CEP120: variants seen among roughly 807,000 people sequenced by gnomAD.
CEP120 encodes the protein centrosomal protein of 120 kDa.
In CEP120, 113 loss-of-function variants were observed where a neutral mutation model predicts 126.5. The ratio of observed to expected loss-of-function variants is 0.89; its 90% CI spans 0.77 to 1.04. The LOEUF (loss-of-function observed/expected upper bound fraction) is 1.04, where lower values mean the gene tolerates loss of function less well. Among genes scored for constraint, CEP120 ranks in the 50% least tolerant of loss-of-function variants. The pLI, the probability that CEP120 is intolerant of heterozygous loss-of-function variation, is 0.00. For missense variants in CEP120, 1,230 were observed against 1,155.7 expected (o/e 1.06, Z -0.93); for synonymous variants, 400 against 394.3 (o/e 1.01, Z -0.17).
At chr5:123,392,282 C>A (rs1039414140) in intron 6 of CEP120, among the ~76,000 whole-genome samples, 1 of 152,106 alleles carries the variant, frequency 6.6e-6, no homozygotes, top group Admixed American at 6.5e-5. Context: ...ACTGCTTTTC[C>A]CTGCATGTCA....
rs766586380 is a variant in CEP120, at chr5:123,391,315, T to A, written c.833A>T (p.Gln278Leu). 3.7e-6 allele frequency: 6 copies of A among 1,613,880 alleles called. No individual in the cohort carries two copies. Among genetic ancestry groups the A allele is most frequent in the Non-Finnish European group, 4.2e-6 (5 of 1,179,728 alleles). The change falls in exon 7 of 20, where the codon CAG becomes CTG. Residue 278 changes from glutamine to leucine, a missense_variant. Physicochemically the swap from Gln to Leu is moderately radical, Grantham distance 113. Transcript: ENST00000306467. ...AGGTATTTCTGTACTTCCAAGTGAC[T>A]GGTCTCCACAGCAGAGGTGAATCTA... The part of the protein sequence containing the change: ...KLQIHLCCGD[Q>L]SLGSTEIPLT...
At chr5:123,386,701 C>T in intron 9 of CEP120, 34 bp from the exon 10 acceptor site, 1 of 1,057,382 alleles carries the variant, frequency 9.5e-7, no homozygotes, top group Non-Finnish European at 1.3e-6. Flanking sequence ...AAAAAAAAGC[C>T]TTAATGATAT....
At chr5:123,366,687 G>A (rs1319783647) in intron 17 of CEP120, among the ~76,000 whole-genome samples, 1 of 151,820 alleles carries the variant, frequency 6.6e-6, no homozygotes, top group Non-Finnish European at 1.5e-5. Context: ...TCTTGACTAT[G>A]AGGTTCTTTT....
At chr5:123,408,451 T>C (rs1773840263) in intron 4 of CEP120, among the ~76,000 whole-genome samples, 1 of 150,650 alleles carries the variant, frequency 6.6e-6, no homozygotes, top group African/African-American at 2.4e-5. Flanking sequence ...CTACAGAGCC[T>C]ACCGGTATTA....
chr5:123,389,186 T>G (rs963401515), intron 8 of CEP120, among the ~76,000 whole-genome samples: 1 of 152,174 alleles, frequency 6.6e-6, no homozygotes, highest in Non-Finnish European at 1.5e-5. Context: ...ATAACTGCAA[T>G]GGATGGAAAA....
chr5:123,412,076 TAATA>T (rs1187430959), intron 4 of CEP120, among the ~76,000 whole-genome samples: 4 of 152,326 alleles, frequency 2.6e-5, no homozygotes, highest in African/African-American at 7.2e-5. Context: ...ACAGTTGAGT[TAATA>T]AATAGAGAAC....
At position 123,365,598 on chromosome 5, in the gene CEP120, G is replaced by C. The variant is rs1028868926; in HGVS notation, c.2482-1004C>G. Among the ~76,000 whole-genome samples, 3 of 151,580 alleles carry C rather than the reference G, an allele frequency of 2.0e-5. No homozygotes were observed. In the Admixed American group the frequency reaches 2.0e-4, roughly 10 times the overall value. The stretch of plus-strand genomic sequence containing the variant: ...ACTACATGGAGTCAAGGTCTTTTCT[G>C]CTTTACAAATCCCTAGTGCTTGGAT... On this transcript the variant is annotated intron_variant, in intron 17 of 19. Coordinates refer to ENST00000306467, the MANE Select transcript of CEP120 (RefSeq NM_001375405.1).
intron 19 of CEP120, among the ~76,000 whole-genome samples, chr5:123,349,434 A>G (rs2115172): frequency 0.41 from 62,201 of 151,952 alleles, 12,779 homozygotes; most frequent in East Asian, 0.48. Context: ...TGTTACAGAT[A>G]TTAATAATAT....
chr5:123,357,469 A>ATGGT (rs903556506), intron 18 of CEP120, among the ~76,000 whole-genome samples: 3 of 152,130 alleles, frequency 2.0e-5, no homozygotes, highest in Non-Finnish European at 2.9e-5. Flanking sequence ...GAGTATAATA[A>ATGGT]TGGTAGTATT....
chr5:123,401,829 A>G (rs1043722102), intron 4 of CEP120: 19 of 1,451,684 alleles, frequency 1.3e-5, no homozygotes, highest in Middle Eastern at 2.3e-4. Flanking sequence ...GAAGTCCTCC[A>G]CCAGCCCCTA....
At chr5:123,389,633 T>C (rs575694190) in intron 8 of CEP120, among the ~76,000 whole-genome samples, 30 of 152,260 alleles carry the variant, frequency 2.0e-4, no homozygotes, top group African/African-American at 7.0e-4. Context: ...CCCGAGTAGC[T>C]GGGATTACAG....
At chr5:123,365,822 T>C (rs150101718) in intron 17 of CEP120, among the ~76,000 whole-genome samples, 28 of 151,432 alleles carry the variant, frequency 1.8e-4, no homozygotes, top group Non-Finnish European at 3.8e-4. Context: ...TATTCAATTA[T>C]ACAAGCAATC....
At chr5:123,415,504 G>A (rs1774328179) in intron 3 of CEP120, among the ~76,000 whole-genome samples, 1 of 152,182 alleles carries the variant, frequency 6.6e-6, no homozygotes, top group Admixed American at 6.5e-5. Flanking sequence ...GTCTTTTTGA[G>A]CAAGACAGTT....
intron 19 of CEP120, among the ~76,000 whole-genome samples, chr5:123,347,240 A>G (rs935698055): frequency 6.6e-6 from 1 of 152,198 alleles, no homozygotes; most frequent in African/African-American, 2.4e-5. Context: ...GTTTTATAAT[A>G]TTCCATCATT....
intron 4 of CEP120, among the ~76,000 whole-genome samples, chr5:123,406,689 A>G (rs1454898791): frequency 6.6e-6 from 1 of 151,950 alleles, no homozygotes; most frequent in African/African-American, 2.4e-5. Flanking sequence ...AATTGAGGGC[A>G]TTTGTTGCCA....
intron 16 of CEP120, among the ~76,000 whole-genome samples, chr5:123,375,910 G>A (rs368005394): frequency 9.9e-5 from 15 of 151,898 alleles, no homozygotes; most frequent in Admixed American, 3.3e-4. Context: ...ATTTACTGAA[G>A]ACTTGGGAGG....
chr5:123,385,190 T>G, intron 10 of CEP120, 57 bp from the exon 11 acceptor site: 1 of 1,375,280 alleles, frequency 7.3e-7, no homozygotes, highest in Non-Finnish European at 9.8e-7. Flanking sequence ...AAGTCTTTTC[T>G]GAACTAAATT....
intron 7 of CEP120, chr5:123,390,341 C>G (rs1424569724): frequency 1.5e-6 from 1 of 646,436 alleles, no homozygotes; most frequent in Non-Finnish European, 2.8e-6. Context: ...AATATGATAT[C>G]CAGAGCTGAA....
intron 14 of CEP120, among the ~76,000 whole-genome samples, chr5:123,381,720 AG>A (rs1343115929): frequency 3.3e-5 from 5 of 151,946 alleles, no homozygotes; most frequent in Non-Finnish European, 7.4e-5. Context: ...ATACATCAGC[AG>A]GGTTTTTCTC....
Sources: allele counts gnomAD v4.1 joint callset (sites outside exome capture counted in the v4.1 genomes callset), GRCh38; gene constraint gnomAD v4.1.1; transcripts MANE v1.5; gene names NCBI Gene and HGNC (gene_info 2026-07-23, HGNC 2026-07-21).